The following ASAP1 variants were observed in gnomAD, a reference collection of about 807,000 sequenced individuals.
ASAP1 encodes ArfGAP with SH3 domain, ankyrin repeat and PH domain 1.
In ASAP1, 43 loss-of-function variants were observed where a neutral mutation model predicts 145.2. That is an observed-to-expected ratio of 0.30 (90% CI 0.23 to 0.38). The LOEUF (loss-of-function observed/expected upper bound fraction) is 0.38. ASAP1 is among the 10% of genes least tolerant of loss of function. ASAP1 has a pLI of 1.00. For synonymous variants in ASAP1, 546 were observed against 515.5 expected (o/e 1.06, Z -0.80); for missense variants, 1,018 against 1,355.3 (o/e 0.75, Z 3.91).
At chr8:130,118,857 T>C (rs1367194891) in intron 18 of ASAP1, 182 bp from the exon 19 acceptor site, 1 of 387,904 alleles carries the variant, frequency 2.6e-6, no homozygotes. Flanking sequence ...AAATAATATA[T>C]GTTTACTAAT....
At chr8:130,060,483 C>G in intron 28 of ASAP1, 96 bp downstream of exon 28, 13 of 1,472,248 alleles carry the variant, frequency 8.8e-6, no homozygotes, top group Non-Finnish European at 1.2e-5. Flanking sequence ...TGAGCAAGCT[C>G]TCACTTTTTC....
At chr8:130,249,049 C>A (rs2136827630) in intron 3 of ASAP1, among the ~76,000 whole-genome samples, 1 of 152,254 alleles carries the variant, frequency 6.6e-6, no homozygotes. Flanking sequence ...CAAGTGTGTG[C>A]CTCTATGTCA....
chr8:130,164,101 T>C (rs74637469), intron 11 of ASAP1, among the ~76,000 whole-genome samples: 2,985 of 152,248 alleles, frequency 0.02, 45 homozygotes, highest in East Asian at 0.054. Flanking sequence ...TTTCTAAATA[T>C]TTGAATAGTT....
chr8:130,218,753 CG>C (rs1211624233), intron 4 of ASAP1, among the ~76,000 whole-genome samples: 2 of 151,976 alleles, frequency 1.3e-5, no homozygotes, highest in African/African-American at 4.8e-5. Flanking sequence ...TGAAATGTGA[CG>C]TGAGTGAGGC....
chr8:130,066,376 TA>T (rs1448854872), intron 27 of ASAP1, among the ~76,000 whole-genome samples: 2 of 152,280 alleles, frequency 1.3e-5, no homozygotes, highest in Admixed American at 1.3e-4. Context: ...TGGGTGGTGT[TA>T]ATTTTACTAA....
rs140673010 is a variant in ASAP1, at chr8:130,418,300, A to G, written c.-27-16330T>C. 2.3e-3 allele frequency among the ~76,000 whole-genome samples: 349 copies of G among 152,328 alleles called. 16 individuals carry two copies. The South Asian group carries it at 0.035, about 15-fold the overall frequency. On this transcript the variant is annotated intron_variant, in intron 1 of 29. Coordinates refer to ENST00000518721, the MANE Select transcript of ASAP1 (RefSeq NM_018482.4). ...CACGGTCGCACACACCTGTAATCCC[A>G]GCACTTTGGGAGGGCCAGGCGGGCG...
chr8:130,401,748 A>G (rs750922889), intron 2 of ASAP1, 137 bp downstream of exon 2: 4 of 737,674 alleles, frequency 5.4e-6, no homozygotes, highest in Non-Finnish European at 8.8e-6. Flanking sequence ...CTGTTCTCCA[A>G]TAACAATCGT....
intron 25 of ASAP1, among the ~76,000 whole-genome samples, chr8:130,086,006 G>A (rs1175974438): frequency 6.6e-6 from 1 of 152,190 alleles, no homozygotes; most frequent in African/African-American, 2.4e-5. Flanking sequence ...CGCAGGAGCT[G>A]CATACCAGGG....
At chr8:130,273,766 A>G (rs941780485) in intron 3 of ASAP1, among the ~76,000 whole-genome samples, 2 of 152,238 alleles carry the variant, frequency 1.3e-5, no homozygotes, top group African/African-American at 4.8e-5. Flanking sequence ...CGACCCAGAC[A>G]TTAGCCCACA....
At chr8:130,283,614 A>AAAAAAAG (rs1821405723) in intron 3 of ASAP1, among the ~76,000 whole-genome samples, 1 of 147,534 alleles carries the variant, frequency 6.8e-6, no homozygotes, top group Admixed American at 6.8e-5. Context: ...AAAAAAAAAA[A>AAAAAAAG]GAAGGCAGGA....
intron 25 of ASAP1, among the ~76,000 whole-genome samples, chr8:130,088,206 C>T (rs1050768387): frequency 3.3e-5 from 5 of 152,172 alleles, no homozygotes; most frequent in Non-Finnish European, 7.3e-5. Flanking sequence ...TCTCGGCTCA[C>T]CACAACCTCC....
intron 3 of ASAP1, among the ~76,000 whole-genome samples, chr8:130,313,668 T>G (rs1823493620): frequency 6.6e-6 from 1 of 152,144 alleles, no homozygotes; most frequent in Non-Finnish European, 1.5e-5. Context: ...AAATAAAAAA[T>G]AAAATTAAAT....
chr8:130,214,571 T>A lies in ASAP1; in HGVS notation c.390A>T (p.Thr130=). The A allele has an allele frequency of 2.5e-6, 4 of 1,606,812 alleles. No homozygotes were observed. The highest frequency in any genetic ancestry group is 3.4e-6 in the Non-Finnish European group (4 of 1,177,916). The change falls in exon 5 of 30, where the codon ACA becomes ACT. Residue 130 remains threonine, a synonymous_variant. Transcript: ENST00000518721. Reference sequence around the variant, plus strand: ...AATGTCTTACCAGATTTTTCAGCAGTGTGGACAGTTCCTTTGTAAGAGTAG... The same window carrying A: ...AATGTCTTACCAGATTTTTCAGCAGAGTGGACAGTTCCTTTGTAAGAGTAG... The part of the protein sequence containing the change: ...KFSTLTKELS[T]LLKNLLQGLS...
chr8:130,339,416 A>G (rs1258359855), intron 3 of ASAP1, among the ~76,000 whole-genome samples: 1 of 152,222 alleles, frequency 6.6e-6, no homozygotes, highest in Non-Finnish European at 1.5e-5. Flanking sequence ...CAGCAAATTT[A>G]CAAGTATCCT....
chr8:130,061,553 C>T (rs960631129), intron 27 of ASAP1, among the ~76,000 whole-genome samples: 1 of 152,078 alleles, frequency 6.6e-6, no homozygotes, highest in African/African-American at 2.4e-5. Context: ...GCATTCTATT[C>T]CATTCTATAG....
intron 13 of ASAP1, among the ~76,000 whole-genome samples, chr8:130,152,306 T>C (rs1439598288): frequency 1.3e-5 from 2 of 152,220 alleles, no homozygotes; most frequent in African/African-American, 4.8e-5. Context: ...CTTTAAGAAC[T>C]GAAAAGAGTT....
At chr8:130,365,710 A>G (rs541298575) in intron 2 of ASAP1, among the ~76,000 whole-genome samples, 13 of 152,310 alleles carry the variant, frequency 8.5e-5, no homozygotes, top group African/African-American at 2.9e-4. Flanking sequence ...TATTTATCCA[A>G]CTAGACTGTG....
chr8:130,378,444 A>G (rs1827604825), intron 2 of ASAP1, among the ~76,000 whole-genome samples: 2 of 152,216 alleles, frequency 1.3e-5, no homozygotes, highest in African/African-American at 4.8e-5. Flanking sequence ...CTGGCAAAGG[A>G]TGGTCCAGGC....
chr8:130,236,192 C>T (rs151260492), intron 4 of ASAP1, among the ~76,000 whole-genome samples: 2 of 152,200 alleles, frequency 1.3e-5, no homozygotes, highest in Non-Finnish European at 2.9e-5. Context: ...AGAGAAGTAA[C>T]CTATTGGTAG....
Sources: gnomAD v4.1 joint callset for allele counts (sites outside exome capture counted in the v4.1 genomes callset) on GRCh38, gnomAD v4.1.1 for gene constraint, MANE v1.5 for transcripts, NCBI Gene and HGNC (gene_info 2026-07-23, HGNC 2026-07-21) for gene names.